Variants in RIMBP2 observed in about 807,000 individuals in gnomAD.
The protein encoded by RIMBP2 is RIMS binding protein 2.
A neutral mutation model predicts 118.6 loss-of-function variants in RIMBP2; 48 were observed. The ratio of observed to expected loss-of-function variants is 0.40; its 90% CI spans 0.32 to 0.51. RIMBP2 has a LOEUF of 0.51. RIMBP2 is among the 20% of genes least tolerant of loss of function. The pLI is 0.41. For synonymous variants in RIMBP2, 762 were observed against 742.9 expected (o/e 1.03, Z -0.42); for missense variants, 1,551 against 1,768.3 (o/e 0.88, Z 2.20).
chr12:130,462,319 A>AT (rs1252111746), intron 6 of RIMBP2, among the ~76,000 whole-genome samples: 1 of 152,176 alleles, frequency 6.6e-6, no homozygotes, highest in African/African-American at 2.4e-5. Context: ...TGGGCGATGC[A>AT]TTGCCATAAT....
intron 4 of RIMBP2, among the ~76,000 whole-genome samples, chr12:130,501,309 T>G (rs2049752631): frequency 1.3e-5 from 2 of 152,154 alleles, no homozygotes; most frequent in African/African-American, 4.8e-5. Context: ...GTGCGGCCAC[T>G]GGAGTGACCC....
intron 1 of RIMBP2, among the ~76,000 whole-genome samples, chr12:130,644,217 A>AC (rs2062749018): frequency 6.6e-6 from 1 of 152,100 alleles, no homozygotes. Context: ...AAGGCCTCGA[A>AC]CTCACTCACA....
intron 4 of RIMBP2, among the ~76,000 whole-genome samples, chr12:130,499,171 C>G (rs535199068): frequency 2.6e-5 from 4 of 152,290 alleles, no homozygotes; most frequent in African/African-American, 7.2e-5. Context: ...AGAACTCACT[C>G]ACCATCACAA....
chr12:130,548,433 T>G (rs1332859332), intron 2 of RIMBP2, among the ~76,000 whole-genome samples: 1 of 152,238 alleles, frequency 6.6e-6, no homozygotes, highest in Non-Finnish European at 1.5e-5. Context: ...GCTAAGATTG[T>G]GATCTCCCCA....
chr12:130,475,191 T>C lies in RIMBP2; in HGVS notation c.102+3721A>G, dbSNP rs2081330979. Among the ~76,000 whole-genome samples the C allele has an allele frequency of 6.6e-6, 1 of 151,870 alleles. No individual in the cohort carries two copies. Among genetic ancestry groups the C allele is most frequent in the African/African-American group, 2.4e-5 (1 of 41,110 alleles). On this transcript the variant is annotated intron_variant, in intron 5 of 22. Transcript: ENST00000690449. This position sits in a 1 kb window ranked among gnomAD's most constrained non-coding sequence, Gnocchi z 4.1. ...ATCACTCATTCGTCATTCACCCATT[T>C]GTTTATTTCTCCGATTTAACAAATG... is the stretch of plus-strand genomic sequence containing the variant.
intron 7 of RIMBP2, 65 bp downstream of exon 7, chr12:130,456,431 C>G: frequency 7.0e-7 from 1 of 1,432,602 alleles, no homozygotes; most frequent in Non-Finnish European, 9.5e-7. Flanking sequence ...CTGTGCACAC[C>G]CTCGCAGGCA....
rs965866795 is a variant in RIMBP2, at chr12:130,447,039, T to C, written c.582-1770A>G. Among the ~76,000 whole-genome samples the C allele has an allele frequency of 1.4e-5, 2 of 144,326 alleles. No homozygotes were observed. Among genetic ancestry groups the C allele is most frequent in the African/African-American group, 5.2e-5 (2 of 38,698 alleles). 94.7% of individuals were successfully genotyped at this position (144,326 alleles called of 152,430 possible). A position where few individuals can be genotyped will look rare whatever the true frequency, so the allele number is the denominator to read the frequency against. ...CTGCAGGGGGGTCTGGATGGGTAGA[T>C]GGCCGAGACACAGAAGCTGGCAGAG... is the stretch of plus-strand genomic sequence containing the variant. On this transcript the variant is annotated intron_variant, in intron 9 of 22. Coordinates refer to ENST00000690449, the MANE Select transcript of RIMBP2 (RefSeq NM_001393629.1). This position sits in a 1 kb window ranked among gnomAD's most constrained non-coding sequence, Gnocchi z 4.4.
intron 2 of RIMBP2, among the ~76,000 whole-genome samples, chr12:130,612,577 T>A (rs1236016706): frequency 6.6e-6 from 1 of 152,184 alleles, no homozygotes; most frequent in Non-Finnish European, 1.5e-5. Flanking sequence ...GGGAAAATGG[T>A]GTTTTTTAAA....
rs114793155 is a variant in RIMBP2, at chr12:130,653,665, C to T, written c.-351-25209G>A. Among the ~76,000 whole-genome samples, 471 of 152,342 alleles carry T rather than the reference C, an allele frequency of 3.1e-3. 1 individual carries two copies. The highest frequency in any genetic ancestry group is 0.01 in the African/African-American group (436 of 41,582). On this transcript the variant is annotated intron_variant, in intron 1 of 22. Coordinates refer to ENST00000690449, the MANE Select transcript of RIMBP2 (RefSeq NM_001393629.1). ...CTAGCGGAGCTTTTCTGTGGGGGCT[C>T]CACCCCTGTGGCAGGCTTCTAGCTT...
chr12:130,435,019 C>T (rs1233263636), intron 13 of RIMBP2, 139 bp from the exon 14 acceptor site: 12 of 792,262 alleles, frequency 1.5e-5, no homozygotes, highest in Non-Finnish European at 2.3e-5. Flanking sequence ...CCAGCTCTGC[C>T]GCCCTCTCGC....
chr12:130,419,916 AT>A lies in RIMBP2; in HGVS notation c.3238+2536del, dbSNP rs1169628304. ...ATTTTGTTTTTTAATCATGAAGGAC[AT>A]TTTTTAAATTTTGGAAATCCAGAAA... On this transcript the variant is annotated intron_variant, in intron 17 of 22. Coordinates refer to ENST00000690449, the MANE Select transcript of RIMBP2 (RefSeq NM_001393629.1). This position sits in a 1 kb window ranked among gnomAD's most constrained non-coding sequence, Gnocchi z 4.3. The A allele has an allele frequency of 1.3e-5, 2 of 152,200 alleles. No individual in the cohort carries two copies. The highest frequency in any genetic ancestry group is 1.3e-4 in the Admixed American group (2 of 15,280). The allele number at this position is 152,200 out of a possible 1,614,324, so 9.4% of individuals were successfully genotyped here.
At chr12:130,629,096 G>T (rs1299040788) in intron 1 of RIMBP2, among the ~76,000 whole-genome samples, 1 of 152,112 alleles carries the variant, frequency 6.6e-6, no homozygotes. Flanking sequence ...CTTTACTTCT[G>T]TTTTGCTAAA....
chr12:130,633,523 G>A (rs1440827839), intron 1 of RIMBP2, among the ~76,000 whole-genome samples: 1 of 152,082 alleles, frequency 6.6e-6, no homozygotes, highest in Admixed American at 6.5e-5. Flanking sequence ...TCGAGACCAA[G>A]GGTCTTTTCT....
At chr12:130,619,216 G>T (rs910098240) in intron 2 of RIMBP2, among the ~76,000 whole-genome samples, 1 of 152,122 alleles carries the variant, frequency 6.6e-6, no homozygotes, top group Non-Finnish European at 1.5e-5. Flanking sequence ...GGAATACTAC[G>T]CGAGCAAAGG....
intron 2 of RIMBP2, among the ~76,000 whole-genome samples, chr12:130,571,110 G>A (rs992337732): frequency 2.0e-5 from 3 of 151,900 alleles, no homozygotes; most frequent in East Asian, 1.9e-4. Flanking sequence ...AATCCATGGC[G>A]GGAAGAGGGC....
chr12:130,522,206 A>G (rs1463417248), intron 2 of RIMBP2, among the ~76,000 whole-genome samples: 2 of 152,232 alleles, frequency 1.3e-5, no homozygotes, highest in Non-Finnish European at 2.9e-5. Flanking sequence ...TTGATTTTCT[A>G]GCTGCTGTGT....
At chr12:130,693,615 A>G (rs142632932) in intron 1 of RIMBP2, among the ~76,000 whole-genome samples, 46 of 152,242 alleles carry the variant, frequency 3.0e-4, no homozygotes, top group Middle Eastern at 6.8e-3. Flanking sequence ...GGCCTACCCC[A>G]TATGCATTTT....
intron 1 of RIMBP2, among the ~76,000 whole-genome samples, chr12:130,671,187 G>A (rs1015455372): frequency 2.0e-5 from 3 of 151,058 alleles, no homozygotes; most frequent in African/African-American, 4.9e-5. Context: ...ACCTTGAGGG[G>A]GCAAAAAAAA....
intron 2 of RIMBP2, among the ~76,000 whole-genome samples, chr12:130,575,371 C>T (rs570115897): frequency 2.0e-5 from 3 of 151,978 alleles, no homozygotes; most frequent in African/African-American, 4.8e-5. Flanking sequence ...CTGTTTGCTG[C>T]TATGGTGTGA....
Sources: allele counts gnomAD v4.1 joint callset (sites outside exome capture counted in the v4.1 genomes callset), GRCh38; gene constraint gnomAD v4.1.1; non-coding constraint Gnocchi (gnomAD v3.1); transcripts MANE v1.5; gene names NCBI Gene and HGNC (gene_info 2026-07-23, HGNC 2026-07-21).